The following SGCZ variants were observed in gnomAD, a reference collection of about 807,000 sequenced individuals.
SGCZ encodes the protein sarcoglycan zeta.
In SGCZ, 40 loss-of-function variants were observed where a neutral mutation model predicts 41.3. The ratio of observed to expected loss-of-function variants is 0.97; its 90% confidence interval spans 0.75 to 1.26. SGCZ has a LOEUF of 1.26. Ranked by LOEUF, SGCZ falls within the 50% of genes most tolerant of loss-of-function variation. The probability of loss-of-function intolerance (pLI) is 0.00; values close to 1 mark genes in which losing one functional copy is unlikely to be tolerated. For synonymous variants in SGCZ, 206 were observed against 137.5 expected, an observed-to-expected ratio of 1.50 and a Z score of -3.49; for missense variants, 552 against 369.8, an observed-to-expected ratio of 1.49 and a Z score of -4.04.
chr8:14,771,712 C>CACGAAGATA (rs769662397), intron 1 of SGCZ, among the ~76,000 whole-genome samples: 9 of 152,032 alleles, frequency 5.9e-5, no homozygotes, highest in Non-Finnish European at 1.3e-4. Flanking sequence ...ATGTTCTCTT[C>CACGAAGATA]ACGAAGATAA....
At chr8:15,150,725 C>T (rs914361963) in intron 1 of SGCZ, among the ~76,000 whole-genome samples, 3 of 152,170 alleles carry the variant, frequency 2.0e-5, no homozygotes, top group Admixed American at 2.0e-4. Flanking sequence ...AATTCTCTCA[C>T]CAGGCATAAC....
intron 1 of SGCZ, among the ~76,000 whole-genome samples, chr8:14,688,262 C>T (rs1161405100): frequency 6.6e-6 from 1 of 152,148 alleles, no homozygotes; most frequent in African/African-American, 2.4e-5. Context: ...GACATGAAGT[C>T]CTTGCCCATG....
At chr8:14,903,329 T>G (rs1799027993) in intron 1 of SGCZ, among the ~76,000 whole-genome samples, 1 of 152,166 alleles carries the variant, frequency 6.6e-6, no homozygotes, top group Non-Finnish European at 1.5e-5. Context: ...GCAGAGAAAT[T>G]TTATGATCCT....
chr8:14,407,621 A>T (rs6991871), intron 2 of SGCZ, among the ~76,000 whole-genome samples: 2 of 152,084 alleles, frequency 1.3e-5, no homozygotes, highest in African/African-American at 4.8e-5. Context: ...AATATAATTC[A>T]TAACTGTTGT....
chr8:14,655,372 T>G (rs1343907033), intron 1 of SGCZ, among the ~76,000 whole-genome samples: 1 of 152,172 alleles, frequency 6.6e-6, no homozygotes, highest in Non-Finnish European at 1.5e-5. Flanking sequence ...CTGATTTTTG[T>G]TCCTGTAATC....
intron 1 of SGCZ, among the ~76,000 whole-genome samples, chr8:14,945,618 G>A (rs772570132): frequency 2.6e-5 from 4 of 151,946 alleles, no homozygotes; most frequent in Non-Finnish European, 4.4e-5. Context: ...GGGCGTTTCC[G>A]GAGGAGATTG....
intron 1 of SGCZ, among the ~76,000 whole-genome samples, chr8:14,957,908 A>G (rs1800843086): frequency 6.6e-6 from 1 of 152,084 alleles, no homozygotes; most frequent in African/African-American, 2.4e-5. Context: ...GAATGACAAC[A>G]AGACTTACAG....
chr8:14,222,323 C>G (rs536503428), intron 4 of SGCZ, among the ~76,000 whole-genome samples: 1 of 152,070 alleles, frequency 6.6e-6, no homozygotes, highest in African/African-American at 2.4e-5. Flanking sequence ...GCACCCACCA[C>G]CATACCCAAC....
At chr8:14,591,600 T>C (rs914997817) in intron 1 of SGCZ, among the ~76,000 whole-genome samples, 4 of 152,134 alleles carry the variant, frequency 2.6e-5, no homozygotes, top group Admixed American at 6.6e-5. Flanking sequence ...ATAAGATGTT[T>C]GCACCTTATG....
intron 2 of SGCZ, among the ~76,000 whole-genome samples, chr8:14,343,022 G>T (rs1802765132): frequency 6.6e-6 from 1 of 152,188 alleles, no homozygotes; most frequent in South Asian, 2.1e-4. Context: ...CCAAGGTACA[G>T]CTTGGGCTGT....
chr8:14,652,784 G>T (rs1477306360), intron 1 of SGCZ, among the ~76,000 whole-genome samples: 2 of 152,096 alleles, frequency 1.3e-5, no homozygotes, highest in African/African-American at 4.8e-5. Flanking sequence ...ATGCATAGAA[G>T]TTCCCTGTTT....
intron 1 of SGCZ, among the ~76,000 whole-genome samples, chr8:14,711,560 C>A (rs1809516902): frequency 7.6e-6 from 1 of 132,268 alleles, no homozygotes; most frequent in Admixed American, 8.8e-5. Context: ...CAAGATTGCT[C>A]AACTGCATTC....
chr8:14,128,019 G>A (rs529236422), intron 5 of SGCZ, among the ~76,000 whole-genome samples: 13 of 152,144 alleles, frequency 8.5e-5, no homozygotes, highest in African/African-American at 2.9e-4. Context: ...GAGAATATAC[G>A]GTATTTGGTT....
At chr8:14,382,143 T>C (rs1267640860) in intron 2 of SGCZ, among the ~76,000 whole-genome samples, 1 of 136,796 alleles carries the variant, frequency 7.3e-6, no homozygotes, top group African/African-American at 2.8e-5. Flanking sequence ...ATGTACTGTT[T>C]GTGGAACAAA....
At chr8:14,471,698 A>C (rs1328765233) in intron 2 of SGCZ, among the ~76,000 whole-genome samples, 1 of 152,130 alleles carries the variant, frequency 6.6e-6, no homozygotes, top group African/African-American at 2.4e-5. Flanking sequence ...AAATATTATG[A>C]AGCTATTCAA....
At chr8:14,275,186 T>A (rs922437849) in intron 3 of SGCZ, among the ~76,000 whole-genome samples, 8 of 152,114 alleles carry the variant, frequency 5.3e-5, no homozygotes, top group Admixed American at 4.6e-4. Context: ...GTAACCAACA[T>A]CAAACTGCAA....
intron 4 of SGCZ, among the ~76,000 whole-genome samples, chr8:14,234,200 T>C (rs1344399107): frequency 6.6e-6 from 1 of 152,072 alleles, no homozygotes; most frequent in Non-Finnish European, 1.5e-5. Context: ...GCCAGAAACA[T>C]ATAAAATATT....
At chr8:14,846,099 CCTCT>C in intron 1 of SGCZ, among the ~76,000 whole-genome samples, 1 of 152,160 alleles carries the variant, frequency 6.6e-6, no homozygotes, top group South Asian at 2.1e-4. Context: ...TTTCAAAACA[CCTCT>C]CTCAATAATT....
chr8:14,668,064 C>A (rs1233158928), intron 1 of SGCZ, among the ~76,000 whole-genome samples: 2 of 152,158 alleles, frequency 1.3e-5, no homozygotes, highest in African/African-American at 4.8e-5. Flanking sequence ...TCAAGGGATT[C>A]TCCTGCCTCA....
Sources: gnomAD v4.1 joint callset for allele counts (sites outside exome capture counted in the v4.1 genomes callset) on GRCh38, gnomAD v4.1.1 for gene constraint, MANE v1.5 for transcripts, NCBI Gene and HGNC (gene_info 2026-07-23, HGNC 2026-07-21) for gene names.